SLC15A2: variants seen among roughly 807,000 people sequenced by gnomAD.
The protein encoded by SLC15A2 is solute carrier family 15 member 2.
A neutral mutation model predicts 95.5 loss-of-function variants in SLC15A2; 77 were observed. The observed-to-expected ratio is 0.81, with a 90% confidence interval of 0.67 to 0.97. The LOEUF is 0.97. Among genes scored for constraint, SLC15A2 ranks in the 50% least tolerant of loss-of-function variants. The pLI is 0.00. For synonymous variants in SLC15A2, 306 were observed against 306.9 expected, an observed-to-expected ratio of 1.00 and a Z score of 0.03; for missense variants, 893 against 874.4, an observed-to-expected ratio of 1.02 and a Z score of -0.27.
chr3:121,938,346 G>T (rs1267377852), intron 19 of SLC15A2, among the ~76,000 whole-genome samples: 9 of 152,238 alleles, frequency 5.9e-5, no homozygotes, highest in Admixed American at 5.9e-4. Context: ...GGGCAATGGC[G>T]GGCGCCCCTC....
chr3:121,939,341 T>C lies in SLC15A2; in HGVS notation c.1762-8T>C. 1 of 1,499,032 alleles carries C rather than the reference T, an allele frequency of 6.7e-7. No homozygotes were observed. Among genetic ancestry groups the C allele is most frequent in the Non-Finnish European group, 8.9e-7 (1 of 1,124,136 alleles). The allele number at this position is 1,499,032 out of a possible 1,614,324, so 92.9% of individuals were successfully genotyped here. On this transcript the variant is annotated splice_polypyrimidine_tract_variant and splice_region_variant and intron_variant, in intron 19 of 21. Transcript: ENST00000489711. ...GACAAGTCCATTTCCATTTTCTCTT[T>C]CCCTAAGAACACCAATCAGGGTCTT...
chr3:121,923,293 G>C (rs369809745), intron 11 of SLC15A2, 27 bp downstream of exon 11: 38 of 1,606,624 alleles, frequency 2.4e-5, no homozygotes, highest in Admixed American at 1.9e-4. Context: ...TTCCAGAGAA[G>C]TCTATTATTT....
At chr3:121,933,699 C>G (rs958050833) in intron 19 of SLC15A2, among the ~76,000 whole-genome samples, 2 of 152,136 alleles carry the variant, frequency 1.3e-5, no homozygotes, top group East Asian at 1.9e-4. Flanking sequence ...AAATTTTCTC[C>G]CATTTTTTAG....
chr3:121,929,272 G>T, intron 16 of SLC15A2, 30 bp from the exon 17 acceptor site: 1 of 1,611,926 alleles, frequency 6.2e-7, no homozygotes, highest in South Asian at 1.1e-5. Flanking sequence ...TTCATCAGCT[G>T]TTACTGATTT....
chr3:121,923,048 C>T lies in SLC15A2; in HGVS notation c.876C>T (p.Leu292=). Residue 292 remains leucine (L), a synonymous_variant, in exon 10 of 22, where the codon CTC becomes CTT. Coordinates refer to ENST00000489711, the MANE Select transcript of SLC15A2 (RefSeq NM_021082.4). ...CTTCCTCCTTTTCGCAGAAGCAGCTCATTATGGATGTAAAGGCACTGACCA... is the reference window on the plus strand; with the variant it reads ...CTTCCTCCTTTTCGCAGAAGCAGCTTATTATGGATGTAAAGGCACTGACCA... ...DWAAEKYPKQ[L]IMDVKALTRV... 1 of 1,613,870 alleles carries T rather than the reference C, an allele frequency of 6.2e-7. No homozygotes were observed. Among genetic ancestry groups the T allele is most frequent in the Non-Finnish European group, 8.5e-7 (1 of 1,179,820 alleles).
chr3:121,942,297 G>A lies in SLC15A2; in HGVS notation c.*1290G>A, dbSNP rs1710476881. The A allele has an allele frequency of 6.6e-6, 1 of 152,170 alleles. No homozygotes were observed. Among genetic ancestry groups the A allele is most frequent in the South Asian group, 2.1e-4 (1 of 4,830 alleles). The allele number at this position is 152,170 out of a possible 1,614,324, so 9.4% of individuals were successfully genotyped here. A position where few individuals can be genotyped will look rare whatever the true frequency, so the allele number is the denominator to read the frequency against. On this transcript the variant is annotated 3_prime_UTR_variant, in exon 22 of 22. Transcript: ENST00000489711. ...CCTCATACACAATGAATGAATCAGA[G>A]GACAGACACGGGAATGGCACGACTG...
In SLC15A2 at chr3:121,930,893, C is replaced by G; in HGVS notation, c.1607C>G (p.Ser536Cys). 6.2e-7 allele frequency: 1 copy of G among 1,613,748 alleles called. No individual in the cohort carries two copies. Among genetic ancestry groups the G allele is most frequent in the South Asian group, 1.1e-5 (1 of 91,062 alleles). ...AACATCTCCCTGAGTACAGATACCT[C>G]TCTCAATGTTGGTGAAGACTATGGT... ...DVNISLSTDT[S>C]LNVGEDYGVS... The change falls in exon 18 of 22, where the codon TCT (serine) becomes TGT (cysteine). Residue 536 changes from serine (S) to cysteine (C), a missense_variant. Transcript: ENST00000489711.
chr3:121,909,609 TTTTG>T (rs750957139), intron 3 of SLC15A2, among the ~76,000 whole-genome samples: 3 of 152,098 alleles, frequency 2.0e-5, no homozygotes, highest in Non-Finnish European at 4.4e-5. Flanking sequence ...CCTATGAGGT[TTTTG>T]TTTGTTTGTT....
intron 8 of SLC15A2, 89 bp from the exon 9 acceptor site, chr3:121,922,686 A>C: frequency 2.5e-6 from 2 of 798,158 alleles, no homozygotes. Flanking sequence ...CACTAGAAGT[A>C]TGGTGTTTGA....
intron 7 of SLC15A2, among the ~76,000 whole-genome samples, chr3:121,917,981 A>G (rs1359181876): frequency 2.0e-5 from 3 of 152,234 alleles, no homozygotes; most frequent in African/African-American, 7.2e-5. Context: ...TTTTAAACCA[A>G]TAAGAAATTA....
Position 121,931,755 on chromosome 3 carries a change from C to T in SLC15A2, c.1761+20C>T. ...ACTAATGTAAGTAGCTCACAGCCAC[C>T]TCTTTACCCTCTCTCCATATACATA... is the stretch of plus-strand genomic sequence containing the variant. On this transcript the variant is annotated intron_variant, in intron 19 of 21. Transcript: ENST00000489711. 7.3e-7 allele frequency: 1 copy of T among 1,373,880 alleles called. No homozygotes were observed. The highest frequency in any genetic ancestry group is 1.0e-6 in the Non-Finnish European group (1 of 961,792). 85.1% of individuals were successfully genotyped at this position (1,373,880 alleles called of 1,614,324 possible).
chr3:121,903,273 G>C (rs1335075549), intron 3 of SLC15A2, among the ~76,000 whole-genome samples: 1 of 152,152 alleles, frequency 6.6e-6, no homozygotes, highest in Non-Finnish European at 1.5e-5. Flanking sequence ...TGGGTAGATT[G>C]CAAAAATTTT....
At chr3:121,920,429 G>A (rs1486992163) in intron 7 of SLC15A2, among the ~76,000 whole-genome samples, 1 of 152,106 alleles carries the variant, frequency 6.6e-6, no homozygotes, top group Non-Finnish European at 1.5e-5. Context: ...TAAGTAGCTG[G>A]GACTACAGGT....
chr3:121,924,559 G>T (rs1710075460), intron 12 of SLC15A2, among the ~76,000 whole-genome samples, 176 bp downstream of exon 12: 1 of 151,894 alleles, frequency 6.6e-6, no homozygotes, highest in Non-Finnish European at 1.5e-5. Context: ...CACATCCCCT[G>T]TTAAGTACTT....
At chr3:121,931,070 A>G (rs575400914) in intron 18 of SLC15A2, 120 bp downstream of exon 18, 125 of 634,142 alleles carry the variant, frequency 2.0e-4, no homozygotes, top group Non-Finnish European at 3.2e-4. Flanking sequence ...TAGACGCACT[A>G]CTGATCTTTT....
At chr3:121,928,938 T>C (rs2107603286) in intron 15 of SLC15A2, 44 bp from the exon 16 acceptor site, 1 of 1,591,262 alleles carries the variant, frequency 6.3e-7, no homozygotes, top group Non-Finnish European at 8.6e-7. Flanking sequence ...CAATATGCAG[T>C]AGAAGGTGTA....
chr3:121,930,630 C>G (rs2700424), intron 17 of SLC15A2, among the ~76,000 whole-genome samples: 114,368 of 152,006 alleles, frequency 0.75, 43,235 homozygotes, highest in East Asian at 0.87. Flanking sequence ...GAAAAAGAAA[C>G]TTAGGGACAG....
chr3:121,923,470 T>G (rs1239199177), intron 11 of SLC15A2, among the ~76,000 whole-genome samples: 1 of 152,156 alleles, frequency 6.6e-6, no homozygotes, highest in African/African-American at 2.4e-5. Context: ...ATCAGGAACA[T>G]AAGGATGAGA....
intron 13 of SLC15A2, among the ~76,000 whole-genome samples, chr3:121,927,341 G>A (rs1270694098): frequency 6.6e-6 from 1 of 152,220 alleles, no homozygotes; most frequent in Non-Finnish European, 1.5e-5. Context: ...GGACATGACT[G>A]GATCATGGGA....
Sources: allele counts gnomAD v4.1 joint callset (sites outside exome capture counted in the v4.1 genomes callset), GRCh38; gene constraint gnomAD v4.1.1; transcripts MANE v1.5; gene names NCBI Gene and HGNC (gene_info 2026-07-23, HGNC 2026-07-21).